The following HHAT variants were observed in gnomAD, a reference collection of about 807,000 sequenced individuals.
HHAT encodes hedgehog acyltransferase, also known as protein-cysteine N-palmitoyltransferase HHAT.
In HHAT, 47 loss-of-function variants were observed where a neutral mutation model predicts 70.8. The observed-to-expected ratio is 0.66, with a 90% CI of 0.53 to 0.85. The LOEUF is 0.85. Among genes scored for constraint, HHAT ranks in the 40% least tolerant of loss-of-function variants. HHAT has a pLI of 0.00. For synonymous variants in HHAT, 228 were observed against 247.6 expected (o/e 0.92, Z 0.74); for missense variants, 609 against 604.8 (o/e 1.01, Z -0.07).
intron 5 of HHAT, among the ~76,000 whole-genome samples, chr1:210,404,117 T>A (rs532038717): frequency 1.3e-5 from 2 of 152,346 alleles, no homozygotes; most frequent in South Asian, 4.1e-4. Context: ...AAGTATCCAC[T>A]GGATGTAGCT....
chr1:210,512,615 TA>T (rs1553252673), intron 8 of HHAT, among the ~76,000 whole-genome samples: 1 of 140,036 alleles, frequency 7.1e-6, no homozygotes, highest in Non-Finnish European at 1.5e-5. Context: ...GAGGCTGCAG[TA>T]AATGTGATCG....
rs1680947070 is a variant in HHAT, at chr1:210,675,408, G to T, written c.*1029G>T. 6.6e-6 allele frequency: 1 copy of T among 151,788 alleles called. No homozygotes were observed. Among genetic ancestry groups the T allele is most frequent in the African/African-American group, 2.4e-5 (1 of 41,336 alleles). The allele number at this position is 151,788 out of a possible 1,614,324, so 9.4% of individuals were successfully genotyped here. A position where few individuals can be genotyped will look rare whatever the true frequency, so the allele number is the denominator to read the frequency against. ...TATTCACTCCTCTGAAAAGATGCTGGATAGGCTACCAAAGTTCCCAAGTGG... is the reference window on the plus strand; with the variant it reads ...TATTCACTCCTCTGAAAAGATGCTGTATAGGCTACCAAAGTTCCCAAGTGG... On this transcript the variant is annotated 3_prime_UTR_variant, in exon 12 of 12. Coordinates refer to ENST00000261458, the MANE Select transcript of HHAT (RefSeq NM_018194.6).
intron 7 of HHAT, among the ~76,000 whole-genome samples, chr1:210,456,111 C>T (rs2093861586): frequency 6.6e-6 from 1 of 152,190 alleles, no homozygotes. Context: ...CCAAGGAGCA[C>T]AGCCTGGCCT....
chr1:210,405,142 A>G (rs887264725), intron 6 of HHAT, among the ~76,000 whole-genome samples: 1 of 152,220 alleles, frequency 6.6e-6, no homozygotes. Context: ...GGAGCTGTTC[A>G]GGGTGACCTA....
At chr1:210,522,657 T>C (rs2095176793) in intron 9 of HHAT, among the ~76,000 whole-genome samples, 1 of 152,210 alleles carries the variant, frequency 6.6e-6, no homozygotes, top group African/African-American at 2.4e-5. Context: ...GTCTGTGAAC[T>C]GGGCTTCTTA....
chr1:210,386,228 T>TC (rs1489522241), intron 3 of HHAT, among the ~76,000 whole-genome samples: 2 of 100,504 alleles, frequency 2.0e-5, no homozygotes, highest in African/African-American at 7.5e-5. Flanking sequence ...TTTTCTTTTT[T>TC]TCTTTTTTTT....
At chr1:210,540,518 C>A (rs939173646) in intron 9 of HHAT, among the ~76,000 whole-genome samples, 128 of 139,192 alleles carry the variant, frequency 9.2e-4, no homozygotes, top group Middle Eastern at 7.6e-3. Flanking sequence ...CACACACAAA[C>A]ACACGCTCTC....
intron 7 of HHAT, among the ~76,000 whole-genome samples, chr1:210,430,601 T>A (rs1167295798): frequency 1.3e-5 from 2 of 151,922 alleles, no homozygotes; most frequent in Non-Finnish European, 2.9e-5. Flanking sequence ...GGTGACACTA[T>A]GAGTAGTTTC....
At chr1:210,588,133 A>G in intron 10 of HHAT, 34 bp downstream of exon 10, 1 of 1,525,694 alleles carries the variant, frequency 6.6e-7, no homozygotes, top group Non-Finnish European at 8.9e-7. Context: ...GTTAGGGGAC[A>G]GTGGAACTAG....
intron 9 of HHAT, among the ~76,000 whole-genome samples, chr1:210,563,553 A>G (rs775255153): frequency 9.9e-5 from 15 of 152,182 alleles, no homozygotes; most frequent in Admixed American, 3.3e-4. Flanking sequence ...ACTCTTGCAC[A>G]GTGATTCCTG....
chr1:210,513,726 C>G (rs943617057), intron 9 of HHAT, among the ~76,000 whole-genome samples: 2 of 152,248 alleles, frequency 1.3e-5, no homozygotes, highest in Middle Eastern at 3.4e-3. Flanking sequence ...GGAAATAGAC[C>G]AGCATATTAA....
chr1:210,478,387 T>C (rs2094338367), intron 8 of HHAT, among the ~76,000 whole-genome samples: 2 of 152,330 alleles, frequency 1.3e-5, no homozygotes, highest in South Asian at 2.1e-4. Flanking sequence ...GTCCTATCAG[T>C]AGAACCAAGA....
chr1:210,372,666 C>A (rs1289229441), intron 3 of HHAT, among the ~76,000 whole-genome samples: 2 of 152,170 alleles, frequency 1.3e-5, no homozygotes. Context: ...ATTCTGCTGG[C>A]TGAAGCAGTT....
chr1:210,406,111 A>C (rs1402726559), intron 6 of HHAT, among the ~76,000 whole-genome samples: 2 of 152,116 alleles, frequency 1.3e-5, no homozygotes, highest in African/African-American at 4.8e-5. Context: ...AGTAAAGGTA[A>C]GGTGGGCACA....
intron 9 of HHAT, among the ~76,000 whole-genome samples, chr1:210,560,873 C>A (rs1191979310): frequency 8.5e-6 from 1 of 117,596 alleles, no homozygotes; most frequent in South Asian, 3.2e-4. Context: ...TGTGGTGGAT[C>A]GTTTTTTTCC....
chr1:210,456,857 A>G (rs1207619869), intron 7 of HHAT, among the ~76,000 whole-genome samples: 1 of 152,152 alleles, frequency 6.6e-6, no homozygotes, highest in Non-Finnish European at 1.5e-5. Context: ...TGGCCGGTCA[A>G]GCTTCACGTG....
intron 5 of HHAT, among the ~76,000 whole-genome samples, chr1:210,400,958 AAGAG>A (rs1168481908): frequency 6.6e-6 from 1 of 152,232 alleles, no homozygotes; most frequent in Non-Finnish European, 1.5e-5. Flanking sequence ...GTCAGGAACA[AAGAG>A]AGAAGAAACA....
In HHAT at chr1:210,551,216, C is replaced by T. The variant is rs184392297; in HGVS notation, c.1044-36682C>T. Among the ~76,000 whole-genome samples the T allele has an allele frequency of 5.4e-4, 81 of 148,788 alleles. 7 individuals are homozygous for T. The highest frequency in any genetic ancestry group is 1.8e-3 in the African/African-American group (73 of 40,202). On this transcript the variant is annotated intron_variant, in intron 9 of 11. Coordinates refer to ENST00000261458, the MANE Select transcript of HHAT (RefSeq NM_018194.6). The stretch of plus-strand genomic sequence containing the variant: ...GTACTCCATCGACCGAATTAAAGTG[C>T]CTTCAGAGGTTCTTAGTGCGGCCCG...
At chr1:210,498,259 A>G (rs1003689362) in intron 8 of HHAT, among the ~76,000 whole-genome samples, 3 of 152,182 alleles carry the variant, frequency 2.0e-5, no homozygotes, top group Non-Finnish European at 2.9e-5. Flanking sequence ...TACTTTTCTT[A>G]GTGTTTCTAT....
Sources: allele counts gnomAD v4.1 joint callset (sites outside exome capture counted in the v4.1 genomes callset), GRCh38; gene constraint gnomAD v4.1.1; transcripts MANE v1.5; gene names NCBI Gene and HGNC (gene_info 2026-07-23, HGNC 2026-07-21).